NIPBL: variants seen among roughly 807,000 people sequenced by gnomAD.
NIPBL encodes nipped-B-like protein.
In NIPBL, 19 loss-of-function variants were observed where a neutral mutation model predicts 321.8. That is an observed-to-expected ratio of 0.06 (90% confidence interval 0.04 to 0.09). The LOEUF (loss-of-function observed/expected upper bound fraction) is 0.09, where lower values mean the gene tolerates loss of function less well. Ranked by LOEUF, NIPBL falls within the 10% of genes least tolerant of loss-of-function variation. NIPBL has a pLI of 1.00. For missense variants in NIPBL, 2,210 were observed against 3,327.0 expected (o/e 0.66, Z 8.26); for synonymous variants, 1,106 against 1,114.1 (o/e 0.99, Z 0.14).
At chr5:36,924,245 A>G (rs1001749782) in intron 1 of NIPBL, among the ~76,000 whole-genome samples, 1 of 152,226 alleles carries the variant, frequency 6.6e-6, no homozygotes, top group Non-Finnish European at 1.5e-5. Context: ...AAATTTAAAT[A>G]TAACTGTTTA....
chr5:37,049,040 A>T, intron 39 of NIPBL, 71 bp from the exon 40 acceptor site: 1 of 1,518,934 alleles, frequency 6.6e-7, no homozygotes, highest in Non-Finnish European at 9.1e-7. Context: ...GTTATGGCCT[A>T]ATTTTGAAAT....
At chr5:36,903,886 C>G (rs920451600) in intron 1 of NIPBL, among the ~76,000 whole-genome samples, 8 of 152,008 alleles carry the variant, frequency 5.3e-5, no homozygotes, top group Non-Finnish European at 1.2e-4. Flanking sequence ...AGAACCTAAT[C>G]AGTGAAAGAT....
intron 10 of NIPBL, among the ~76,000 whole-genome samples, chr5:36,991,727 TC>T (rs1383131587): frequency 6.6e-6 from 1 of 151,464 alleles, no homozygotes; most frequent in East Asian, 1.9e-4. Context: ...ACTGAACTAT[TC>T]CATTATGCCT....
chr5:36,965,274 C>T (rs2149611678), intron 6 of NIPBL, among the ~76,000 whole-genome samples: 1 of 152,154 alleles, frequency 6.6e-6, no homozygotes, highest in Middle Eastern at 3.4e-3. Flanking sequence ...TGGAATCAAC[C>T]TAAGTCCCCC....
At chr5:37,060,644 G>A (rs1156911155) in intron 44 of NIPBL, among the ~76,000 whole-genome samples, 200 bp from the exon 45 acceptor site, 1 of 152,072 alleles carries the variant, frequency 6.6e-6, no homozygotes, top group East Asian at 1.9e-4. Context: ...TTGGGGGTGG[G>A]GGAGCAACTA....
At chr5:36,998,783 T>TA (rs1746442023) in intron 11 of NIPBL, among the ~76,000 whole-genome samples, 1 of 152,140 alleles carries the variant, frequency 6.6e-6, no homozygotes, top group Non-Finnish European at 1.5e-5. Flanking sequence ...CTGTCACACA[T>TA]ACACACACCC....
At chr5:37,009,606 T>A (rs1747862525) in intron 20 of NIPBL, among the ~76,000 whole-genome samples, 1 of 152,228 alleles carries the variant, frequency 6.6e-6, no homozygotes, top group Non-Finnish European at 1.5e-5. Context: ...TTAGATTTTT[T>A]ACAATATCTA....
intron 2 of NIPBL, among the ~76,000 whole-genome samples, chr5:36,954,173 A>G (rs956006086): frequency 6.6e-6 from 1 of 152,166 alleles, no homozygotes; most frequent in East Asian, 1.9e-4. Context: ...GTGTCATCCT[A>G]CCTGAATAAA....
chr5:37,016,493 T>C (rs867711386), intron 23 of NIPBL, among the ~76,000 whole-genome samples: 14 of 152,252 alleles, frequency 9.2e-5, no homozygotes, highest in Middle Eastern at 3.4e-3. Context: ...ATGATTAATA[T>C]AGACTCCTTA....
intron 1 of NIPBL, among the ~76,000 whole-genome samples, chr5:36,922,960 T>A (rs1316041251): frequency 6.6e-6 from 1 of 151,806 alleles, no homozygotes; most frequent in East Asian, 1.9e-4. Context: ...AAAATACATT[T>A]GAAAGAAAAG....
chr5:37,016,706 G>A (rs1749039654), intron 23 of NIPBL, among the ~76,000 whole-genome samples: 1 of 151,988 alleles, frequency 6.6e-6, no homozygotes, highest in Non-Finnish European at 1.5e-5. Context: ...ACTTTTCATA[G>A]GCATCAGAAT....
Position 36,995,703 on chromosome 5 carries a change from G to A in NIPBL, c.3203G>A (p.Arg1068His), listed in dbSNP as rs1226611090. ...EIESTMPLCERVKMNKRKRST... is the reference protein window; with the variant it reads ...EIESTMPLCEHVKMNKRKRST... ...GAGTCCACCATGCCACTTTGTGAAC[G>A]TGTGAAAATGAACAAACGCAAGCGT... The change falls in exon 11 of 47, where the codon CGT becomes CAT. Residue 1068 changes from arginine to histidine, a missense_variant. Physicochemically the swap from Arg to His is conservative, Grantham distance 29. Coordinates refer to ENST00000282516, the MANE Select transcript of NIPBL (RefSeq NM_133433.4). 4.3e-6 allele frequency: 7 copies of A among 1,613,478 alleles called. No homozygotes were observed. The highest frequency in any genetic ancestry group is 2.2e-5 in the East Asian group (1 of 44,844).
intron 23 of NIPBL, 110 bp from the exon 24 acceptor site, chr5:37,016,909 A>G (rs1749061412): frequency 3.5e-6 from 3 of 867,278 alleles, no homozygotes; most frequent in Admixed American, 6.3e-5. Context: ...AGGAAAAAAA[A>G]AAGTTTAAAT....
intron 1 of NIPBL, among the ~76,000 whole-genome samples, chr5:36,910,152 C>T (rs1454309050): frequency 6.6e-6 from 1 of 151,526 alleles, no homozygotes; most frequent in Non-Finnish European, 1.5e-5. Flanking sequence ...ATAAGTAAGG[C>T]CTGGAAGGTG....
chr5:37,000,006 T>G (rs1746603249), intron 11 of NIPBL, among the ~76,000 whole-genome samples: 1 of 152,350 alleles, frequency 6.6e-6, no homozygotes, highest in South Asian at 2.1e-4. Context: ...GTTTTTCATC[T>G]AATTCCTAAA....
chr5:36,989,767 A>G (rs1000508172), intron 10 of NIPBL, among the ~76,000 whole-genome samples: 1 of 146,122 alleles, frequency 6.8e-6, no homozygotes, highest in African/African-American at 2.5e-5. Context: ...TGAACCCAGG[A>G]GGAGGAGATT....
At chr5:36,981,333 A>C (rs1744111009) in intron 9 of NIPBL, among the ~76,000 whole-genome samples, 1 of 151,720 alleles carries the variant, frequency 6.6e-6, no homozygotes, top group African/African-American at 2.4e-5. Context: ...GAATTCAAGT[A>C]AAGGGATAGA....
chr5:36,951,052 CA>C (rs781376940), intron 1 of NIPBL, among the ~76,000 whole-genome samples: 7 of 151,528 alleles, frequency 4.6e-5, no homozygotes, highest in Admixed American at 6.6e-5. Flanking sequence ...CAGTAATCAT[CA>C]ACGTGTAATT....
rs537202316 is a variant in NIPBL at position 36,972,157 on chromosome 5, A to G, written c.868+116A>G. ...ATTCTGTATTTTTTTTTCATTGTAGAAAAAAAAATAAACCTGTACAAGCAG... is the reference window on the plus strand; with the variant it reads ...ATTCTGTATTTTTTTTTCATTGTAGGAAAAAAAATAAACCTGTACAAGCAG... On this transcript the variant is annotated intron_variant, in intron 8 of 46. Coordinates refer to ENST00000282516, the MANE Select transcript of NIPBL (RefSeq NM_133433.4). 330 of 679,916 alleles carry G rather than the reference A, an allele frequency of 4.9e-4. 9 individuals are homozygous for G. The South Asian group carries it at 5.7e-3, about 12-fold the overall frequency. 42.1% of individuals were successfully genotyped at this position (679,916 alleles called of 1,614,324 possible).
Sources: gnomAD v4.1 joint callset for allele counts (sites outside exome capture counted in the v4.1 genomes callset) on GRCh38, gnomAD v4.1.1 for gene constraint, MANE v1.5 for transcripts, NCBI Gene and HGNC (gene_info 2026-07-23, HGNC 2026-07-21) for gene names.